Variants in PLS3 observed in about 807,000 individuals in gnomAD.
PLS3 encodes plastin-3.
In PLS3, 11 loss-of-function variants were observed where a neutral mutation model predicts 46.5. The observed-to-expected ratio is 0.24, with a 90% CI of 0.15 to 0.39. The LOEUF (loss-of-function observed/expected upper bound fraction) is 0.39, where lower values mean the gene tolerates loss of function less well. Among genes scored for constraint, PLS3 ranks in the 10% least tolerant of loss-of-function variants. The pLI is 1.00. For synonymous variants in PLS3, 167 were observed against 162.2 expected, an observed-to-expected ratio of 1.03 and a Z score of -0.22; for missense variants, 308 against 461.8, an observed-to-expected ratio of 0.67 and a Z score of 3.05.
At chrX:115,590,124 G>C (rs919179090) in intron 1 of PLS3, among the ~76,000 whole-genome samples, 7 of 111,698 alleles carry the variant, frequency 6.3e-5, no homozygotes, top group Non-Finnish European at 1.1e-4. Flanking sequence ...GCAAAGTGCT[G>C]GGATTACAGG....
chrX:115,601,653 TA>T (rs1284627237), intron 1 of PLS3, among the ~76,000 whole-genome samples: 17 of 103,957 alleles, frequency 1.6e-4, no homozygotes, highest in Non-Finnish European at 2.2e-4. Context: ...TATAAAAAGA[TA>T]AAAAAAAAAC....
intron 1 of PLS3, among the ~76,000 whole-genome samples, chrX:115,587,337 T>C (rs1415096490): frequency 1.8e-5 from 2 of 112,694 alleles, no homozygotes; most frequent in Non-Finnish European, 3.7e-5. Flanking sequence ...AGATAAGACA[T>C]ACCCATAAAG....
chrX:115,633,447 G>A (rs1286355571), intron 5 of PLS3, among the ~76,000 whole-genome samples: 1 of 111,300 alleles, frequency 9.0e-6, no homozygotes, highest in East Asian at 2.8e-4. Flanking sequence ...TGGGATTACA[G>A]GCGTGAGCCA....
intron 1 of PLS3, among the ~76,000 whole-genome samples, chrX:115,566,583 G>A (rs1315704083): frequency 9.0e-6 from 1 of 110,827 alleles, no homozygotes; most frequent in Non-Finnish European, 1.9e-5. Context: ...TAGAGACGGG[G>A]TTTCACCGTG....
chrX:115,583,095 A>G (rs1202534928), intron 1 of PLS3, among the ~76,000 whole-genome samples: 1 of 112,488 alleles, frequency 8.9e-6, no homozygotes, highest in African/African-American at 3.2e-5. Flanking sequence ...AACATAGCCA[A>G]AGAAATTAAT....
At chrX:115,613,524 C>A (rs1425223701) in intron 2 of PLS3, among the ~76,000 whole-genome samples, 1 of 110,944 alleles carries the variant, frequency 9.0e-6, no homozygotes, top group African/African-American at 3.3e-5. Flanking sequence ...AAAACTATAG[C>A]CCGTCTAAAA....
At chrX:115,628,305 T>A (rs782767499) in intron 3 of PLS3, among the ~76,000 whole-genome samples, 1 of 112,554 alleles carries the variant, frequency 8.9e-6, no homozygotes, top group Non-Finnish European at 1.9e-5. Flanking sequence ...ATTGCATTTG[T>A]TCAGCAACTT....
chrX:115,564,546 T>C (rs1371671221), intron 1 of PLS3, among the ~76,000 whole-genome samples: 7 of 112,503 alleles, frequency 6.2e-5, no homozygotes, highest in Non-Finnish European at 1.3e-4. Flanking sequence ...GCCATGGTGC[T>C]TGAGCACCAA....
intron 13 of PLS3, 21 bp downstream of exon 13, chrX:115,646,556 T>C (rs2074953762): frequency 1.7e-6 from 2 of 1,193,531 alleles, no homozygotes; most frequent in Non-Finnish European, 2.3e-6. Context: ...CAATTTTAGC[T>C]GTTTAGTCTT....
intron 1 of PLS3, among the ~76,000 whole-genome samples, chrX:115,598,192 C>T (rs1310099131): frequency 1.9e-5 from 2 of 107,865 alleles, no homozygotes; most frequent in African/African-American, 3.4e-5. Flanking sequence ...CCCAGTTACT[C>T]AGGGGGCTAA....
intron 1 of PLS3, among the ~76,000 whole-genome samples, chrX:115,581,348 A>G (rs1329190982): frequency 8.9e-6 from 1 of 112,052 alleles, no homozygotes; most frequent in Non-Finnish European, 1.9e-5. Flanking sequence ...TTTATTATTC[A>G]TGAATAGTAA....
At chrX:115,629,769 C>G in intron 4 of PLS3, 66 bp from the exon 5 acceptor site, 1 of 726,914 alleles carries the variant, frequency 1.4e-6, no homozygotes, top group Non-Finnish European at 2.0e-6. Context: ...CTATTTTAGG[C>G]TTTGGAGTCA....
At chrX:115,640,750 G>A (rs1034656962) in intron 9 of PLS3, among the ~76,000 whole-genome samples, 1 of 111,570 alleles carries the variant, frequency 9.0e-6, no homozygotes, top group Admixed American at 9.6e-5. Flanking sequence ...AAACAAGTAT[G>A]GGGAAATAAG....
intron 7 of PLS3, among the ~76,000 whole-genome samples, chrX:115,635,750 G>A (rs1352608703): frequency 9.1e-6 from 1 of 109,725 alleles, no homozygotes; most frequent in Non-Finnish European, 1.9e-5. Context: ...AGCACTTTGG[G>A]AGGCCGAGAC....
intron 3 of PLS3, 109 bp from the exon 4 acceptor site, chrX:115,629,089 A>G (rs781867596): frequency 2.4e-5 from 13 of 548,015 alleles, no homozygotes; most frequent in Non-Finnish European, 3.7e-5. Context: ...ATCTTTTAAC[A>G]TCAGCTATGG....
chrX:115,635,393 T>C (rs1248966596), intron 7 of PLS3, among the ~76,000 whole-genome samples: 1 of 110,266 alleles, frequency 9.1e-6, no homozygotes, highest in African/African-American at 3.3e-5. Flanking sequence ...TTTTGCACCA[T>C]CTTCTTTTTT....
intron 2 of PLS3, among the ~76,000 whole-genome samples, chrX:115,618,510 C>T (rs915523683): frequency 9.8e-5 from 11 of 111,786 alleles, no homozygotes; most frequent in African/African-American, 3.6e-4. Context: ...TGCTTAAGCC[C>T]AGGATTTCAA....
chrX:115,633,595 G>A (rs5987761), intron 5 of PLS3, among the ~76,000 whole-genome samples: 15,958 of 110,316 alleles, frequency 0.14, 1,965 homozygotes, highest in African/African-American at 0.41. Context: ...GGCTCAAGCT[G>A]TCCTCTTTCC....
At chrX:115,637,372 T>C (rs888979242) in intron 8 of PLS3, among the ~76,000 whole-genome samples, 9 of 111,115 alleles carry the variant, frequency 8.1e-5, no homozygotes, top group Non-Finnish European at 1.7e-4. Context: ...TTTATTTGGC[T>C]TCTCTCCTGT....
Sources: gnomAD v4.1 joint callset for allele counts (sites outside exome capture counted in the v4.1 genomes callset) on GRCh38, gnomAD v4.1.1 for gene constraint, MANE v1.5 for transcripts, NCBI Gene and HGNC (gene_info 2026-07-23, HGNC 2026-07-21) for gene names.